The following FNDC1 variants were observed in gnomAD, a reference collection of about 807,000 sequenced individuals.
FNDC1 encodes the protein fibronectin type III domain-containing protein 1.
In FNDC1, 96 loss-of-function variants were observed where a neutral mutation model predicts 168.0. The ratio of observed to expected loss-of-function variants is 0.57; its 90% confidence interval spans 0.48 to 0.68. The LOEUF is 0.68. Ranked by LOEUF, FNDC1 falls within the 30% of genes least tolerant of loss-of-function variation. FNDC1 has a pLI of 0.00. For missense variants in FNDC1, 2,587 were observed against 2,482.1 expected, an observed-to-expected ratio of 1.04 and a Z score of -0.90; for synonymous variants, 1,099 against 1,025.9, an observed-to-expected ratio of 1.07 and a Z score of -1.36.
intron 4 of FNDC1, among the ~76,000 whole-genome samples, chr6:159,209,026 TA>T (rs1782544946): frequency 6.6e-6 from 1 of 152,052 alleles, no homozygotes. Context: ...TTTGTATTTT[TA>T]TTAGAGACAG....
At position 159,234,053 on chromosome 6, in the gene FNDC1, G is replaced by A; in HGVS notation, c.3541G>A (p.Glu1181Lys). 6.2e-7 allele frequency: 1 copy of A among 1,612,082 alleles called. No individual in the cohort carries two copies. The highest frequency in any genetic ancestry group is 1.3e-5 in the African/African-American group (1 of 75,020). ...SQQSVSAEDD[E>K]EEDAGFFKGG... ...GCAGTCGGTCTCAGCCGAGGACGAC[G>A]AGGAGGAGGACGCGGGATTTTTTAA... Residue 1181 changes from glutamate (E) to lysine (K), a missense_variant, in exon 11 of 23, where the codon GAG becomes AAG. By Grantham distance (56) the Glu-to-Lys change is moderately conservative (BLOSUM62 1). Coordinates refer to ENST00000297267, the MANE Select transcript of FNDC1 (RefSeq NM_032532.3).
rs759316968 is a variant in FNDC1 at position 159,214,978 on chromosome 6, G to A, written c.494G>A (p.Arg165His). Residue 165 changes from arginine to histidine, a missense_variant, in exon 5 of 23, where the codon CGT becomes CAT. Coordinates refer to ENST00000297267, the MANE Select transcript of FNDC1 (RefSeq NM_032532.3). ...KEVPNKPLRVRVRSSDDRLSV... is the reference protein window; with the variant it reads ...KEVPNKPLRVHVRSSDDRLSV... ...GTGCCCAACAAGCCCTTGCGTGTGCGTGTCCGGTCCTCAGATGACAGGCTG... is the reference window on the plus strand; with the variant it reads ...GTGCCCAACAAGCCCTTGCGTGTGCATGTCCGGTCCTCAGATGACAGGCTG... The A allele has an allele frequency of 2.2e-5, 36 of 1,613,996 alleles. No individual in the cohort carries two copies. The highest frequency in any genetic ancestry group is 8.9e-5 in the East Asian group (4 of 44,876).
chr6:159,225,744 T>C lies in FNDC1; in HGVS notation c.1072+22T>C, dbSNP rs1332764471. 3 of 1,555,410 alleles carry C rather than the reference T, an allele frequency of 1.9e-6. No homozygotes were observed. In the African/African-American group the frequency reaches 4.1e-5, roughly 21 times the overall value. On this transcript the variant is annotated intron_variant, in intron 8 of 22. Transcript: ENST00000297267. ...TCTGGTCTGTATTTGAAATGGCCTTTGAATTTTCAATTTGGGAATTACACC... is the reference window on the plus strand; with the variant it reads ...TCTGGTCTGTATTTGAAATGGCCTTCGAATTTTCAATTTGGGAATTACACC...
At chr6:159,240,083 AT>A (rs761870903) in intron 14 of FNDC1, 126 bp downstream of exon 14, 103 of 858,290 alleles carry the variant, frequency 1.2e-4, no homozygotes, top group Non-Finnish European at 1.6e-4. Flanking sequence ...AACCCGATGC[AT>A]TTTTGGTCCC....
intron 1 of FNDC1, among the ~76,000 whole-genome samples, chr6:159,183,739 T>TG (rs1781930990): frequency 6.6e-6 from 1 of 152,176 alleles, no homozygotes; most frequent in East Asian, 1.9e-4. Context: ...GCTAGTCTAG[T>TG]GGTCAGGGAG....
chr6:159,234,179 G>A lies in FNDC1; in HGVS notation c.3667G>A (p.Glu1223Lys). 6.3e-7 allele frequency: 1 copy of A among 1,599,920 alleles called. No individual in the cohort carries two copies. Among genetic ancestry groups the A allele is most frequent in the Non-Finnish European group, 8.5e-7 (1 of 1,173,528 alleles). Reference sequence around the variant, plus strand: ...CGCCGATGGGAGCCTCGCCAAGGAAGAGAGGGAGCCTGCCATCGCGCTTGC... The same window carrying A: ...CGCCGATGGGAGCCTCGCCAAGGAAAAGAGGGAGCCTGCCATCGCGCTTGC... ...KDADGSLAKE[E>K]REPAIALAPR... Residue 1223 changes from glutamate to lysine, a missense_variant, in exon 11 of 23, where the codon GAG (glutamate) becomes AAG (lysine). Physicochemically the swap from Glu to Lys is moderately conservative, Grantham distance 56 (BLOSUM62 1). Transcript: ENST00000297267.
At position 159,266,215 on chromosome 6, in the gene FNDC1, T is replaced by G. The variant is rs747914867; in HGVS notation, c.5416T>G (p.Tyr1806Asp). 2 of 1,613,978 alleles carry G rather than the reference T, an allele frequency of 1.2e-6. No individual in the cohort carries two copies. The highest frequency in any genetic ancestry group is 1.7e-6 in the Non-Finnish European group (2 of 1,179,872). ...VGVVLCNSLR[Y>D]KIYLSDNLKD... is the part of the protein sequence containing the mutation. ...AGTTGTTCTTTGTAATTCACTGAGG[T>G]ATAAAATCTACCTCAGTGACAACCT... Residue 1806 changes from tyrosine (Y) to aspartate (D), a missense_variant, in exon 21 of 23, where the codon TAT becomes GAT. Tyr to Asp is a radical substitution (Grantham distance 160). Coordinates refer to ENST00000297267, the MANE Select transcript of FNDC1 (RefSeq NM_032532.3).
At position 159,231,899 on chromosome 6, in the gene FNDC1, G is replaced by C. The variant is rs420137; in HGVS notation, c.1387G>C (p.Glu463Gln). The C allele has an allele frequency of 0.88, 1,401,479 of 1,599,756 alleles. 616,475 individuals are homozygous for C. The highest frequency in any genetic ancestry group is 0.91 in the Middle Eastern group (5,394 of 5,956). Residue 463 changes from glutamate to glutamine, a missense_variant, in exon 11 of 23, where the codon GAG becomes CAG. By Grantham distance (29) the Glu-to-Gln change is conservative (BLOSUM62 2). Coordinates refer to ENST00000297267, the MANE Select transcript of FNDC1 (RefSeq NM_032532.3). ...AMPTTSKADV[E>Q]QNTEDNGKPE... ...TGTTGCAGCCAGTAAGGCGGATGTT[G>C]AGCAGAACACGGAGGACAATGGGAA...
At chr6:159,248,478 G>C (rs1039001949) in intron 15 of FNDC1, among the ~76,000 whole-genome samples, 1 of 151,918 alleles carries the variant, frequency 6.6e-6, no homozygotes, top group Admixed American at 6.6e-5. Flanking sequence ...GCTAATTTTT[G>C]TATTTTTAGT....
At chr6:159,194,950 A>G (rs1428007357) in intron 1 of FNDC1, among the ~76,000 whole-genome samples, 4 of 152,144 alleles carry the variant, frequency 2.6e-5, no homozygotes, top group Admixed American at 2.6e-4. Context: ...ATCAATTTTA[A>G]TATCAAAGTC....
rs768076711 is a variant in FNDC1, at chr6:159,233,958, G to A, written c.3446G>A (p.Arg1149Gln). ...SRPGGPQSRA[R>Q]VPSRAAPGKS... is the part of the protein sequence containing the mutation. The stretch of plus-strand genomic sequence containing the variant: ...CCCGGCGGCCCCCAGTCCCGCGCCC[G>A]GGTACCCAGCAGGGCAGCGCCGGGG... The change falls in exon 11 of 23, where the codon CGG becomes CAG. Residue 1149 changes from arginine to glutamine, a missense_variant. Arg to Gln is a conservative substitution (Grantham distance 43). Coordinates refer to ENST00000297267, the MANE Select transcript of FNDC1 (RefSeq NM_032532.3). This position sits in a 1 kb window ranked among gnomAD's most constrained non-coding sequence, Gnocchi z 4.6. The A allele has an allele frequency of 1.3e-6, 2 of 1,578,276 alleles. No homozygotes were observed. Among genetic ancestry groups the A allele is most frequent in the East Asian group, 2.3e-5 (1 of 43,362 alleles).
intron 1 of FNDC1, among the ~76,000 whole-genome samples, chr6:159,181,640 T>C (rs1781881375): frequency 6.6e-6 from 1 of 152,194 alleles, no homozygotes; most frequent in Non-Finnish European, 1.5e-5. Context: ...AACTGTAAGA[T>C]CAGGAAGAGA....
intron 13 of FNDC1, 92 bp from the exon 14 acceptor site, chr6:159,239,425 A>G (rs1258141243): frequency 8.9e-7 from 1 of 1,125,034 alleles, no homozygotes; most frequent in Non-Finnish European, 1.2e-6. Context: ...ACATGATAAT[A>G]CATAAGCTTT....
At chr6:159,258,291 A>G (rs961417588) in intron 18 of FNDC1, among the ~76,000 whole-genome samples, 1 of 152,166 alleles carries the variant, frequency 6.6e-6, no homozygotes, top group African/African-American at 2.4e-5. Context: ...GAAGAGGCAG[A>G]TTTTTTAAAA....
intron 10 of FNDC1, 105 bp downstream of exon 10, chr6:159,230,108 G>A: frequency 1.0e-6 from 1 of 993,476 alleles, no homozygotes; most frequent in Non-Finnish European, 1.4e-6. Flanking sequence ...CTCAGCAGAT[G>A]ATTTTTCCAG....
At chr6:159,189,363 C>T (rs1198723890) in intron 1 of FNDC1, among the ~76,000 whole-genome samples, 1 of 152,234 alleles carries the variant, frequency 6.6e-6, no homozygotes, top group African/African-American at 2.4e-5. Flanking sequence ...TCCAGTCCAG[C>T]TCCAGTTAGA....
chr6:159,269,571 T>TCC (rs1562316200), intron 22 of FNDC1, among the ~76,000 whole-genome samples: 3 of 87,138 alleles, frequency 3.4e-5, no homozygotes, highest in African/African-American at 1.2e-4. Flanking sequence ...TCCATCCATC[T>TCC]ATCCTATCTG....
intron 19 of FNDC1, 82 bp downstream of exon 19, chr6:159,261,351 T>C: frequency 1.0e-6 from 1 of 959,978 alleles, no homozygotes; most frequent in Non-Finnish European, 1.6e-6. Flanking sequence ...TACAATAGAA[T>C]AAATCCTTAC....
intron 5 of FNDC1, among the ~76,000 whole-genome samples, chr6:159,219,725 T>C (rs544847780): frequency 3.9e-5 from 6 of 152,228 alleles, no homozygotes; most frequent in African/African-American, 1.4e-4. Flanking sequence ...TCAAGAAATC[T>C]GGGCATTAAA....
Sources: gnomAD v4.1 joint callset for allele counts (sites outside exome capture counted in the v4.1 genomes callset) on GRCh38, gnomAD v4.1.1 for gene constraint, Gnocchi (gnomAD v3.1) non-coding constraint, MANE v1.5 for transcripts, NCBI Gene and HGNC (gene_info 2026-07-23, HGNC 2026-07-21) for gene names.